Variants in HCK observed in about 807,000 individuals in gnomAD.
HCK encodes the protein tyrosine-protein kinase HCK.
In HCK, 40 loss-of-function variants were observed where a neutral mutation model predicts 70.4. The ratio of observed to expected loss-of-function variants is 0.57; its 90% confidence interval spans 0.44 to 0.74. The LOEUF (loss-of-function observed/expected upper bound fraction) is 0.74. Ranked by LOEUF, HCK falls within the 30% of genes least tolerant of loss-of-function variation. The probability of loss-of-function intolerance (pLI) is 0.00; values close to 1 mark genes in which losing one functional copy is unlikely to be tolerated. For synonymous variants in HCK, 245 were observed against 263.2 expected (o/e 0.93, Z 0.67); for missense variants, 568 against 697.2 (o/e 0.81, Z 2.09).
chr20:32,086,612 C>G lies in HCK; in HGVS notation c.836-16C>G, dbSNP rs762753793. On this transcript the variant is annotated splice_polypyrimidine_tract_variant and intron_variant, in intron 8 of 12. Transcript: ENST00000375852. Reference sequence around the variant, plus strand: ...GTGGGCTCTGACCACCTTCCCTGCTCTCTATCCCCCTCCAGCCACCTACAA... The same window carrying G: ...GTGGGCTCTGACCACCTTCCCTGCTGTCTATCCCCCTCCAGCCACCTACAA... The G allele has an allele frequency of 1.0e-5, 16 of 1,597,216 alleles. No individual in the cohort carries two copies. Among genetic ancestry groups the G allele is most frequent in the Non-Finnish European group, 1.3e-5 (15 of 1,172,500 alleles).
intron 1 of HCK, among the ~76,000 whole-genome samples, chr20:32,053,100 A>T (rs555608525): frequency 6.6e-6 from 1 of 152,194 alleles, no homozygotes; most frequent in South Asian, 2.1e-4. Context: ...TCCGCCTCCG[A>T]ATTCGTTTCC....
At chr20:32,098,337 A>G (rs547184260) in intron 11 of HCK, among the ~76,000 whole-genome samples, 1 of 152,058 alleles carries the variant, frequency 6.6e-6, no homozygotes, top group African/African-American at 2.4e-5. Context: ...GGCCAAAAAA[A>G]TTTTTTTAAT....
At chr20:32,073,665 C>A in intron 3 of HCK, 51 bp from the exon 4 acceptor site, 1 of 1,269,252 alleles carries the variant, frequency 7.9e-7, no homozygotes, top group Non-Finnish European at 1.1e-6. Context: ...TCACCAAGGG[C>A]TGTGGATGCA....
Position 32,099,049 on chromosome 20 carries a change from T to G in HCK, c.1292T>G (p.Phe431Cys). 6.2e-7 allele frequency: 1 copy of G among 1,614,144 alleles called. No individual in the cohort carries two copies. The highest frequency in any genetic ancestry group is 8.5e-7 in the Non-Finnish European group (1 of 1,179,996). Residue 431 changes from phenylalanine (F) to cysteine (C), a missense_variant, in exon 12 of 13, where the codon TTT (phenylalanine) becomes TGT (cysteine). Phe to Cys is a radical substitution (Grantham distance 205). Transcript: ENST00000375852. ...TGGACAGCTCCTGAAGCCATCAACT[T>G]TGGCTCCTTCACCATCAAGTCAGAC...
At chr20:32,099,640 G>A (rs1160679953) in intron 12 of HCK, among the ~76,000 whole-genome samples, 1 of 151,820 alleles carries the variant, frequency 6.6e-6, no homozygotes, top group Non-Finnish European at 1.5e-5. Context: ...TTACAGGCGT[G>A]AGCCACTGTG....
chr20:32,057,503 G>C (rs6061139), intron 1 of HCK, among the ~76,000 whole-genome samples: 1 of 152,220 alleles, frequency 6.6e-6, no homozygotes, highest in African/African-American at 2.4e-5. Context: ...AGGAGGCTGA[G>C]GTGGGAGGAT....
rs563800077 is a variant in HCK at position 32,084,432 on chromosome 20, A to G, written c.724A>G (p.Met242Val). The G allele has an allele frequency of 4.3e-6, 7 of 1,614,038 alleles. No homozygotes were observed. In the East Asian group the frequency reaches 1.1e-4, roughly 26 times the overall value. Residue 242 changes from methionine to valine, a missense_variant, in exon 8 of 13, where the codon ATG (methionine) becomes GTG (valine). This residue lies in a region of HCK where 318 missense variants were observed against 336.0 expected (regional missense o/e 0.95). Transcript: ENST00000375852. ...CTGCCAGAAACTGTCGGTGCCCTGC[A>G]TGTCTTCCAAGCCCCAGAAGCCTTG...
Position 32,101,585 on chromosome 20 carries a change from C to G in HCK, c.*66C>G. 3 of 1,341,512 alleles carry G rather than the reference C, an allele frequency of 2.2e-6. No individual in the cohort carries two copies. Among genetic ancestry groups the G allele is most frequent in the Non-Finnish European group, 3.1e-6 (3 of 963,874 alleles). 83.1% of individuals were successfully genotyped at this position (1,341,512 alleles called of 1,614,324 possible). A position where few individuals can be genotyped will look rare whatever the true frequency, so the allele number is the denominator to read the frequency against. ...GGCTGCAAGGTGGCTCCAGCACCAT[C>G]CGCCAGGGCCCACACCCCCTTCCTA... On this transcript the variant is annotated 3_prime_UTR_variant, in exon 13 of 13. Coordinates refer to ENST00000375852, the MANE Select transcript of HCK (RefSeq NM_002110.5).
intron 5 of HCK, among the ~76,000 whole-genome samples, chr20:32,079,467 T>C (rs1279982536): frequency 1.3e-5 from 2 of 152,208 alleles, no homozygotes; most frequent in Admixed American, 6.5e-5. Flanking sequence ...AAATGACCTA[T>C]CAGCTTTTTG....
chr20:32,058,026 C>T (rs1285141052), intron 1 of HCK, among the ~76,000 whole-genome samples: 1 of 152,190 alleles, frequency 6.6e-6, no homozygotes, highest in Non-Finnish European at 1.5e-5. Context: ...CCCTGAGTTC[C>T]AGGCATCACC....
At chr20:32,065,497 C>T (rs1047314376) in intron 1 of HCK, among the ~76,000 whole-genome samples, 8 of 152,204 alleles carry the variant, frequency 5.3e-5, no homozygotes, top group African/African-American at 4.8e-5. Flanking sequence ...ATTACTTTAT[C>T]TCCATACCTC....
chr20:32,079,735 G>T (rs894055050), intron 5 of HCK, 39 bp from the exon 6 acceptor site: 12 of 1,426,820 alleles, frequency 8.4e-6, no homozygotes, highest in Non-Finnish European at 1.2e-5. Context: ...AGGACTGCAT[G>T]ACCCCAGGTT....
At chr20:32,099,907 T>A (rs201220050) in intron 12 of HCK, among the ~76,000 whole-genome samples, 1 of 151,922 alleles carries the variant, frequency 6.6e-6, no homozygotes, top group Admixed American at 6.6e-5. Flanking sequence ...TCCACCTTTT[T>A]TTTTTTTTTT....
intron 1 of HCK, among the ~76,000 whole-genome samples, chr20:32,056,953 T>TCCCTTGCCTGAGATATTTCAGCTG (rs1449570509): frequency 6.6e-6 from 1 of 152,174 alleles, no homozygotes; most frequent in Non-Finnish European, 1.5e-5. Flanking sequence ...ACCTCCTCCC[T>TCCCTTGCCTGAGATATTTCAGCTG]CCCTTGCCTG....
At chr20:32,087,886 C>G (rs1456314299) in intron 9 of HCK, among the ~76,000 whole-genome samples, 1 of 152,120 alleles carries the variant, frequency 6.6e-6, no homozygotes, top group African/African-American at 2.4e-5. Flanking sequence ...TTGTGATCCG[C>G]CCGCCTCAGC....
In HCK at chr20:32,052,428, G is replaced by C; in HGVS notation, c.4G>C (p.Gly2Arg). Residue 2 changes from glycine (G) to arginine (R), a missense_variant, in exon 1 of 13, where the codon GGG becomes CGG. Coordinates refer to ENST00000375852, the MANE Select transcript of HCK (RefSeq NM_002110.5). ...CGGAACCTCAGGGGCTGCCGAGCTGGGGGGGCGCTCAAGCTGCGAGGATCC... is the reference window on the plus strand; with the variant it reads ...CGGAACCTCAGGGGCTGCCGAGCTGCGGGGGCGCTCAAGCTGCGAGGATCC... 7.8e-7 allele frequency: 1 copy of C among 1,283,386 alleles called. No homozygotes were observed. Among genetic ancestry groups the C allele is most frequent in the East Asian group, 3.1e-5 (1 of 31,862 alleles). 79.5% of individuals were successfully genotyped at this position (1,283,386 alleles called of 1,614,324 possible).
intron 5 of HCK, among the ~76,000 whole-genome samples, chr20:32,078,463 T>A (rs1313340095): frequency 6.6e-6 from 1 of 152,130 alleles, no homozygotes. Context: ...GAGCTTGGGT[T>A]CTGGAGTTAG....
intron 11 of HCK, 27 bp downstream of exon 11, chr20:32,094,043 C>T (rs1357817757): frequency 4.4e-6 from 7 of 1,598,468 alleles, no homozygotes; most frequent in East Asian, 2.2e-5. Flanking sequence ...AGCAGCCCCA[C>T]GTTGCCCATT....
intron 10 of HCK, among the ~76,000 whole-genome samples, chr20:32,093,624 A>C (rs187891326): frequency 6.6e-6 from 1 of 152,206 alleles, no homozygotes; most frequent in African/African-American, 2.4e-5. Context: ...GCTCTCTGGA[A>C]GTCTTGGAAT....
Sources: gnomAD v4.1 joint callset for allele counts (sites outside exome capture counted in the v4.1 genomes callset) on GRCh38, gnomAD v4.1.1 for gene constraint, gnomAD v4.1.1 regional missense constraint, MANE v1.5 for transcripts, NCBI Gene and HGNC (gene_info 2026-07-23, HGNC 2026-07-21) for gene names.